The following TAFA1 variants were observed in gnomAD, a reference collection of about 807,000 sequenced individuals.
The protein encoded by TAFA1 is chemokine-like protein TAFA-1.
TAFA1 carries 4 observed loss-of-function variants against 18.5 expected under a neutral mutation model. The observed-to-expected ratio is 0.22, with a 90% CI of 0.11 to 0.49. TAFA1 has a LOEUF of 0.49. TAFA1 is among the 20% of genes least tolerant of loss of function. The probability of loss-of-function intolerance (pLI) is 0.98; values close to 1 mark genes in which losing one functional copy is unlikely to be tolerated. For synonymous variants in TAFA1, 56 were observed against 55.2 expected (o/e 1.01, Z -0.06); for missense variants, 147 against 169.0 (o/e 0.87, Z 0.72).
intron 2 of TAFA1, among the ~76,000 whole-genome samples, chr3:68,365,304 C>G (rs529273157): frequency 5.6e-4 from 86 of 152,234 alleles, no homozygotes; most frequent in African/African-American, 2.1e-3. Context: ...GACTATAAAA[C>G]CCATTTTCTG....
At chr3:68,261,929 A>G (rs1056775166) in intron 2 of TAFA1, among the ~76,000 whole-genome samples, 24 of 111,020 alleles carry the variant, frequency 2.2e-4, no homozygotes, top group South Asian at 6.8e-4. Flanking sequence ...TAATAAAATT[A>G]CAAAAAAAAG....
intron 2 of TAFA1, among the ~76,000 whole-genome samples, chr3:68,011,739 C>T (rs375959630): frequency 6.6e-6 from 1 of 152,172 alleles, no homozygotes; most frequent in South Asian, 2.1e-4. Flanking sequence ...TTGGAGCAGA[C>T]AGGTTGTTAT....
chr3:68,205,461 A>G (rs2066515320), intron 2 of TAFA1, among the ~76,000 whole-genome samples: 1 of 151,876 alleles, frequency 6.6e-6, no homozygotes, highest in South Asian at 2.1e-4. Context: ...ACCCTAAGGA[A>G]GGCACAAATT....
At chr3:68,151,058 C>CTGAGT (rs958996046) in intron 2 of TAFA1, among the ~76,000 whole-genome samples, 1 of 151,624 alleles carries the variant, frequency 6.6e-6, no homozygotes, top group Non-Finnish European at 1.5e-5. Flanking sequence ...GATGGCCATC[C>CTGAGT]TGAGTTTATT....
At chr3:68,487,932 C>G (rs915222711) in intron 3 of TAFA1, among the ~76,000 whole-genome samples, 2 of 151,954 alleles carry the variant, frequency 1.3e-5, no homozygotes, top group Admixed American at 6.6e-5. Context: ...CAGAAAGAAG[C>G]CGCTACGTGA....
intron 2 of TAFA1, among the ~76,000 whole-genome samples, chr3:68,391,340 G>T (rs1190591818): frequency 2.6e-5 from 4 of 152,130 alleles, no homozygotes; most frequent in Non-Finnish European, 5.9e-5. Flanking sequence ...AATGAACAAA[G>T]CCTCCAAGAA....
At chr3:68,177,284 CAACAT>C (rs2066138089) in intron 2 of TAFA1, among the ~76,000 whole-genome samples, 1 of 152,116 alleles carries the variant, frequency 6.6e-6, no homozygotes, top group Admixed American at 6.5e-5. Flanking sequence ...ATTGGTAAAT[CAACAT>C]TAATGATCAG....
chr3:68,106,851 A>C (rs1196365372), intron 2 of TAFA1, among the ~76,000 whole-genome samples: 1 of 152,110 alleles, frequency 6.6e-6, no homozygotes, highest in Non-Finnish European at 1.5e-5. Flanking sequence ...GTCATTAGGG[A>C]AACTCAAATT....
chr3:68,216,532 G>A (rs950441662), intron 2 of TAFA1, among the ~76,000 whole-genome samples: 3 of 152,060 alleles, frequency 2.0e-5, no homozygotes, highest in Non-Finnish European at 4.4e-5. Flanking sequence ...TTCCACAAAA[G>A]CATGGGTTAA....
chr3:68,475,692 G>A (rs1041303398), intron 3 of TAFA1, among the ~76,000 whole-genome samples: 1 of 152,076 alleles, frequency 6.6e-6, no homozygotes, highest in Non-Finnish European at 1.5e-5. Flanking sequence ...GGATGGCTGG[G>A]TCAAATGGTA....
chr3:68,177,155 T>G (rs1353163829), intron 2 of TAFA1, among the ~76,000 whole-genome samples: 3 of 152,188 alleles, frequency 2.0e-5, no homozygotes, highest in Non-Finnish European at 4.4e-5. Context: ...TAATTCTAAT[T>G]AGGCAGAATT....
intron 2 of TAFA1, among the ~76,000 whole-genome samples, chr3:68,354,999 C>T (rs2069335591): frequency 6.6e-6 from 1 of 151,968 alleles, no homozygotes; most frequent in African/African-American, 2.4e-5. Context: ...ATAAGCAATC[C>T]ACTTCACTCA....
chr3:68,131,808 A>G (rs763923832), intron 2 of TAFA1, among the ~76,000 whole-genome samples: 10 of 152,070 alleles, frequency 6.6e-5, no homozygotes, highest in Non-Finnish European at 1.5e-4. Context: ...AGAATGGGGT[A>G]TATTGCTTAG....
chr3:68,278,625 G>T (rs1290169052), intron 2 of TAFA1, among the ~76,000 whole-genome samples: 2 of 152,092 alleles, frequency 1.3e-5, no homozygotes, highest in Non-Finnish European at 2.9e-5. Context: ...TGGGTAGATA[G>T]TATTACTTGA....
intron 2 of TAFA1, among the ~76,000 whole-genome samples, chr3:68,266,290 A>G (rs1177336831): frequency 6.6e-6 from 1 of 152,200 alleles, no homozygotes; most frequent in African/African-American, 2.4e-5. Flanking sequence ...TCTTTGGCTT[A>G]AAAGAATGAG....
intron 3 of TAFA1, among the ~76,000 whole-genome samples, chr3:68,474,864 C>T (rs903811990): frequency 6.6e-6 from 1 of 152,070 alleles, no homozygotes; most frequent in Non-Finnish European, 1.5e-5. Context: ...ACTTTGACTA[C>T]CAGGACAAAG....
intron 3 of TAFA1, among the ~76,000 whole-genome samples, chr3:68,480,907 T>C (rs942993125): frequency 1.3e-5 from 2 of 152,096 alleles, no homozygotes; most frequent in Admixed American, 1.3e-4. Context: ...TGGTAGTGAA[T>C]AAGTCTAAGG....
intron 3 of TAFA1, among the ~76,000 whole-genome samples, chr3:68,479,170 G>T (rs1373537156): frequency 6.8e-6 from 1 of 146,274 alleles, no homozygotes; most frequent in Non-Finnish European, 1.5e-5. Context: ...GGTGGAGGTT[G>T]CAGTGAGCCG....
intron 2 of TAFA1, among the ~76,000 whole-genome samples, chr3:68,331,856 CTTTTTT>C (rs60291932): frequency 9.2e-5 from 7 of 76,202 alleles, no homozygotes; most frequent in Admixed American, 1.8e-4. Context: ...CTTTTCTTTT[CTTTTTT>C]TTTTTTTTTT....
Sources: allele counts gnomAD v4.1 joint callset (sites outside exome capture counted in the v4.1 genomes callset), GRCh38; gene constraint gnomAD v4.1.1; transcripts MANE v1.5; gene names NCBI Gene and HGNC (gene_info 2026-07-23, HGNC 2026-07-21).